HAUS7: variants seen among roughly 807,000 people sequenced by gnomAD.
HAUS7 encodes the protein HAUS augmin like complex subunit 7.
HAUS7 carries 3 observed loss-of-function variants against 28.4 expected under a neutral mutation model. The ratio of observed to expected loss-of-function variants is 0.11; its 90% CI spans 0.05 to 0.27. The LOEUF is 0.27. Ranked by LOEUF, HAUS7 falls within the 10% of genes least tolerant of loss-of-function variation. The probability of loss-of-function intolerance (pLI) is 1.00; values close to 1 mark genes in which losing one functional copy is unlikely to be tolerated. For missense variants in HAUS7, 284 were observed against 297.3 expected, an observed-to-expected ratio of 0.96 and a Z score of 0.33; for synonymous variants, 165 against 132.1, an observed-to-expected ratio of 1.25 and a Z score of -1.71.
At position 153,456,293 on chromosome X, in the gene HAUS7, G is replaced by C. The variant is rs1453194771; in HGVS notation, c.677C>G (p.Ala226Gly). The part of the protein sequence containing the change: ...AELARQLQES[A>G]AKLHALRTEY... The stretch of plus-strand genomic sequence containing the variant: ...CGTTCTAAGCGCGTGCAACTTGGCA[G>C]CACTCTCCTGCAGCTGCCTGGCAAG... The change falls in exon 7 of 10, where the codon GCT (alanine) becomes GGT (glycine). Residue 226 changes from alanine to glycine, a missense_variant. By Grantham distance (60) the Ala-to-Gly change is moderately conservative. Coordinates refer to ENST00000370211, the MANE Select transcript of HAUS7 (RefSeq NM_001385482.1). 2.5e-6 allele frequency: 3 copies of C among 1,208,990 alleles called. No individual in the cohort carries two copies. Among genetic ancestry groups the C allele is most frequent in the Non-Finnish European group, 3.4e-6 (3 of 893,976 alleles).
intron 1 of HAUS7, among the ~76,000 whole-genome samples, chrX:153,479,758 C>CAGTGG (rs59573655): frequency 0.012 from 1,283 of 111,078 alleles, 19 homozygotes; most frequent in African/African-American, 0.04. Flanking sequence ...TCTTATAGGC[C>CAGTGG]AGTGGTTGTA....
At chrX:153,486,830 C>G (rs782127847) in intron 1 of HAUS7, 40 of 976,563 alleles carry the variant, frequency 4.1e-5, no homozygotes, top group South Asian at 8.0e-5. Flanking sequence ...CCGCCTTCCT[C>G]CAGCACACAC....
chrX:153,480,652 A>T lies in HAUS7; in HGVS notation c.-588-9507T>A, dbSNP rs1334347400. 4.0e-6 allele frequency: 3 copies of T among 753,339 alleles called. No homozygotes were observed. In the East Asian group the frequency reaches 4.6e-4, roughly 115 times the overall value. 62.1% of individuals were successfully genotyped at this position (753,339 alleles called of 1,213,427 possible). A position where few individuals can be genotyped will look rare whatever the true frequency, so the allele number is the denominator to read the frequency against. Reference sequence around the variant, plus strand: ...GCTGGGAAGCTGGACCAGTTGCGGGATCAGCCCACCCCGAAGCAGGGAGCT... The same window carrying T: ...GCTGGGAAGCTGGACCAGTTGCGGGTTCAGCCCACCCCGAAGCAGGGAGCT... On this transcript the variant is annotated intron_variant, in intron 1 of 5. Coordinates refer to the HAUS7 transcript ENST00000370210.
intron 9 of HAUS7, among the ~76,000 whole-genome samples, chrX:153,452,894 T>C (rs999638734): frequency 9.0e-6 from 1 of 111,541 alleles, no homozygotes; most frequent in African/African-American, 3.3e-5. Flanking sequence ...TGAGGCAGAA[T>C]TGCTTCAACC....
At chrX:153,452,853 G>A (rs782098192) in intron 9 of HAUS7, among the ~76,000 whole-genome samples, 1 of 111,486 alleles carries the variant, frequency 9.0e-6, no homozygotes, top group Non-Finnish European at 1.9e-5. Context: ...GCGTGGTGGT[G>A]AGTGCCTGTA....
chrX:153,488,881 G>T (rs1223048337), intron 1 of HAUS7, among the ~76,000 whole-genome samples: 2 of 113,248 alleles, frequency 1.8e-5, no homozygotes, highest in African/African-American at 3.2e-5. Flanking sequence ...CTCAGCTGCA[G>T]GAGGGCAGGG....
chrX:153,474,814 G>A (rs1250345510), upstream of HAUS7, among the ~76,000 whole-genome samples: 1 of 109,428 alleles, frequency 9.1e-6, no homozygotes, highest in Non-Finnish European at 1.9e-5. Flanking sequence ...GGCGAGCGCT[G>A]CTGCACGTGC....
chrX:153,470,401 G>C, intron 1 of HAUS7, 49 bp downstream of exon 1: 1 of 1,176,901 alleles, frequency 8.5e-7, no homozygotes, highest in Non-Finnish European at 1.1e-6. Flanking sequence ...CCTCGGGCGG[G>C]GCCCTCCCCG....
intron 1 of HAUS7, chrX:153,487,100 C>G (rs920459787): frequency 8.3e-6 from 2 of 241,597 alleles, no homozygotes; most frequent in Non-Finnish European, 1.5e-5. Flanking sequence ...CTCCCATGTC[C>G]GTGCGGTTCC....
upstream of HAUS7, among the ~76,000 whole-genome samples, chrX:153,474,997 GA>G (rs1556986002): frequency 9.0e-6 from 1 of 111,137 alleles, no homozygotes; most frequent in Admixed American, 9.3e-5. Flanking sequence ...TGCCCGCTCG[GA>G]GGGCCGGCCG....
intron 1 of HAUS7, among the ~76,000 whole-genome samples, chrX:153,492,894 G>A (rs1556989927): frequency 8.9e-6 from 1 of 111,808 alleles, no homozygotes; most frequent in Non-Finnish European, 1.9e-5. Flanking sequence ...TGGGACTCCT[G>A]GAGGCTGAGG....
In HAUS7 at chrX:153,470,492, G is replaced by A. The variant is rs1202300650; in HGVS notation, c.66C>T (p.Ser22=). ...GDDYSEDEGD[S]SVSRAAVEVF... ...CCTCCACAGCCGCCCTGGACACGCT[G>A]CTGTCGCCCTCGTCCTCTGAGTAGT... The change falls in exon 1 of 10, where the codon AGC becomes AGT. Residue 22 remains serine, a synonymous_variant. Coordinates refer to ENST00000370211, the MANE Select transcript of HAUS7 (RefSeq NM_001385482.1). 9 of 1,205,879 alleles carry A rather than the reference G, an allele frequency of 7.5e-6. No individual in the cohort carries two copies. Among genetic ancestry groups the A allele is most frequent in the Non-Finnish European group, 1.0e-5 (9 of 892,797 alleles).
intron 4 of HAUS7, among the ~76,000 whole-genome samples, chrX:153,457,959 T>C (rs1456580301): frequency 1.8e-5 from 2 of 113,230 alleles, no homozygotes; most frequent in Non-Finnish European, 3.7e-5. Flanking sequence ...GTCAAAAGGG[T>C]CAACTCCATG....
chrX:153,486,526 T>C, intron 1 of HAUS7: 1 of 650,469 alleles, frequency 1.5e-6, no homozygotes, highest in Non-Finnish European at 2.2e-6. Flanking sequence ...GGCTCGGTCT[T>C]ACTGCTTCTC....
chrX:153,472,435 ACCAC>A (rs2089533588), upstream of HAUS7, among the ~76,000 whole-genome samples: 1 of 13,544 alleles, frequency 7.4e-5, no homozygotes, highest in Non-Finnish European at 1.6e-4. Context: ...CCCACCACCC[ACCAC>A]CCACCACCTG....
chrX:153,459,121 C>T (rs1377472462), intron 4 of HAUS7, among the ~76,000 whole-genome samples: 1 of 112,036 alleles, frequency 8.9e-6, no homozygotes, highest in Admixed American at 9.4e-5. Flanking sequence ...GATGATTTTG[C>T]TTTGTGTTCC....
chrX:153,449,980 G>A (rs1036330626), intron 9 of HAUS7, among the ~76,000 whole-genome samples: 5 of 112,230 alleles, frequency 4.5e-5, no homozygotes, highest in African/African-American at 1.3e-4. Flanking sequence ...CAGTGGTGTC[G>A]GAAAGTCCTT....
intron 4 of HAUS7, among the ~76,000 whole-genome samples, chrX:153,459,414 ATC>A (rs1361638044): frequency 1.8e-5 from 2 of 111,486 alleles, no homozygotes; most frequent in Admixed American, 9.5e-5. Context: ...AGTCCAATTG[ATC>A]TGTTTTTTCT....
intron 9 of HAUS7, among the ~76,000 whole-genome samples, chrX:153,448,287 C>G (rs1000359306): frequency 3.7e-5 from 4 of 106,744 alleles, no homozygotes; most frequent in Non-Finnish European, 7.7e-5. Flanking sequence ...AGCAAACTAT[C>G]GCAAGGACAA....
Sources: gnomAD v4.1 joint callset for allele counts (sites outside exome capture counted in the v4.1 genomes callset) on GRCh38, gnomAD v4.1.1 for gene constraint, MANE v1.5 for transcripts, NCBI Gene and HGNC (gene_info 2026-07-23, HGNC 2026-07-21) for gene names.